Variants in CNTNAP2 observed in about 807,000 individuals in gnomAD.
CNTNAP2 encodes contactin associated protein 2.
In CNTNAP2, 98 loss-of-function variants were observed where a neutral mutation model predicts 155.2. The ratio of observed to expected loss-of-function variants is 0.63; its 90% confidence interval spans 0.54 to 0.75. The LOEUF (loss-of-function observed/expected upper bound fraction) is 0.75. CNTNAP2 is among the 30% of genes least tolerant of loss of function. The pLI is 0.00. For synonymous variants in CNTNAP2, 651 were observed against 631.2 expected (o/e 1.03, Z -0.47); for missense variants, 1,727 against 1,688.1 (o/e 1.02, Z -0.40).
chr7:146,792,278 A>AAC (rs1802688838), intron 2 of CNTNAP2, among the ~76,000 whole-genome samples: 1 of 152,120 alleles, frequency 6.6e-6, no homozygotes, highest in African/African-American at 2.4e-5. Flanking sequence ...TAAAAAAAAA[A>AAC]CACTCTGCTA....
intron 1 of CNTNAP2, among the ~76,000 whole-genome samples, chr7:146,473,391 T>G (rs1796828249): frequency 6.6e-6 from 1 of 152,158 alleles, no homozygotes; most frequent in African/African-American, 2.4e-5. Flanking sequence ...TTCTTGCCTC[T>G]TTTCCCTTCT....
chr7:147,744,910 G>A (rs80251084), intron 13 of CNTNAP2, among the ~76,000 whole-genome samples: 31,562 of 152,040 alleles, frequency 0.21, 3,467 homozygotes, highest in Middle Eastern at 0.39. Context: ...GGGCTTTAAC[G>A]TGTGAATTTT....
chr7:147,469,755 T>A (rs900260573), intron 10 of CNTNAP2, among the ~76,000 whole-genome samples: 41 of 152,072 alleles, frequency 2.7e-4, no homozygotes, highest in African/African-American at 9.2e-4. Context: ...CCTGACCTCG[T>A]GATCCGCCCT....
intron 13 of CNTNAP2, among the ~76,000 whole-genome samples, chr7:147,826,710 C>T (rs751121597): frequency 2.3e-4 from 35 of 151,934 alleles, no homozygotes; most frequent in Non-Finnish European, 3.5e-4. Context: ...AGATAGAGAA[C>T]GCTGGGATAA....
chr7:148,368,171 A>C (rs536130463), intron 21 of CNTNAP2, among the ~76,000 whole-genome samples: 13 of 152,274 alleles, frequency 8.5e-5, no homozygotes, highest in African/African-American at 2.9e-4. Context: ...CTTGTCTCTT[A>C]TCCTTTGAAT....
chr7:146,866,637 T>C (rs1440394732), intron 3 of CNTNAP2, among the ~76,000 whole-genome samples: 7 of 152,148 alleles, frequency 4.6e-5, no homozygotes, highest in African/African-American at 1.7e-4. Flanking sequence ...AAGTGGGAGC[T>C]GAAATCCTTT....
intron 3 of CNTNAP2, among the ~76,000 whole-genome samples, chr7:147,041,669 G>A (rs936355185): frequency 1.3e-5 from 2 of 152,106 alleles, no homozygotes; most frequent in African/African-American, 4.8e-5. Flanking sequence ...GCTGCCTTTT[G>A]CAATATCTTT....
intron 1 of CNTNAP2, among the ~76,000 whole-genome samples, chr7:146,624,612 C>T (rs1799388577): frequency 6.6e-6 from 1 of 151,884 alleles, no homozygotes; most frequent in Admixed American, 6.6e-5. Context: ...TCTGCCAATC[C>T]CTCATAGTTT....
intron 2 of CNTNAP2, among the ~76,000 whole-genome samples, chr7:146,817,392 A>C (rs1803193116): frequency 6.6e-6 from 1 of 151,990 alleles, no homozygotes; most frequent in South Asian, 2.1e-4. Flanking sequence ...GAATTGCTTG[A>C]ACCCGGGAGG....
At position 146,730,631 on chromosome 7, in the gene CNTNAP2, G is replaced by A. The variant is rs184909181; in HGVS notation, c.98-43640G>A. ...TATGCCCCATCCTTTCCTCCTGACCGCAACATATATATACAAGGACTGTGG... is the reference window on the plus strand; with the variant it reads ...TATGCCCCATCCTTTCCTCCTGACCACAACATATATATACAAGGACTGTGG... On this transcript the variant is annotated intron_variant, in intron 1 of 23. Coordinates refer to ENST00000361727, the MANE Select transcript of CNTNAP2 (RefSeq NM_014141.6). Among the ~76,000 whole-genome samples, 399 of 151,928 alleles carry A rather than the reference G, an allele frequency of 2.6e-3. 2 individuals carry two copies. The highest frequency in any genetic ancestry group is 6.7e-3 in the African/African-American group (278 of 41,436).
At chr7:146,853,537 A>G (rs935273550) in intron 3 of CNTNAP2, among the ~76,000 whole-genome samples, 7 of 152,180 alleles carry the variant, frequency 4.6e-5, no homozygotes, top group Non-Finnish European at 1.0e-4. Flanking sequence ...TTTTACTAAA[A>G]TCAAATATCA....
intron 13 of CNTNAP2, among the ~76,000 whole-genome samples, chr7:147,670,018 C>T (rs1795761613): frequency 1.3e-5 from 2 of 152,120 alleles, no homozygotes; most frequent in Non-Finnish European, 2.9e-5. Context: ...CTAGAGATGG[C>T]ATTACTGGTC....
intron 1 of CNTNAP2, among the ~76,000 whole-genome samples, chr7:146,511,389 A>T (rs527895410): frequency 2.4e-4 from 36 of 152,220 alleles, no homozygotes; most frequent in African/African-American, 8.4e-4. Flanking sequence ...AAGGGTTTCA[A>T]TTTTTCTCCA....
At chr7:147,395,843 G>A (rs1796803941) in intron 10 of CNTNAP2, 63 bp downstream of exon 10, 1 of 1,582,676 alleles carries the variant, frequency 6.3e-7, no homozygotes, top group African/African-American at 1.3e-5. Flanking sequence ...TTTCTGTTGT[G>A]AGACCAGTGA....
chr7:147,429,879 G>T (rs995601848), intron 10 of CNTNAP2, among the ~76,000 whole-genome samples: 35 of 151,984 alleles, frequency 2.3e-4, no homozygotes, highest in African/African-American at 8.2e-4. Flanking sequence ...TAAATATTTG[G>T]CTTTTTTTCT....
chr7:148,326,264 T>A (rs1797884792), intron 21 of CNTNAP2, among the ~76,000 whole-genome samples: 1 of 152,134 alleles, frequency 6.6e-6, no homozygotes, highest in Admixed American at 6.5e-5. Flanking sequence ...CTCAGGACCA[T>A]CTTTGGGGAT....
At chr7:146,594,974 A>G (rs1291538615) in intron 1 of CNTNAP2, among the ~76,000 whole-genome samples, 1 of 152,096 alleles carries the variant, frequency 6.6e-6, no homozygotes, top group Non-Finnish European at 1.5e-5. Context: ...TACCATCCAT[A>G]TATGATAGCT....
intron 1 of CNTNAP2, among the ~76,000 whole-genome samples, chr7:146,669,246 T>C (rs1401975849): frequency 6.6e-6 from 1 of 152,162 alleles, no homozygotes. Context: ...TAGAAGCAGT[T>C]TGAAGAACAG....
At chr7:147,197,800 T>C (rs1396522983) in intron 8 of CNTNAP2, among the ~76,000 whole-genome samples, 1 of 152,244 alleles carries the variant, frequency 6.6e-6, no homozygotes, top group African/African-American at 2.4e-5. Context: ...CTAAGATATC[T>C]TTATGAAAAT....
Sources: allele counts gnomAD v4.1 joint callset (sites outside exome capture counted in the v4.1 genomes callset), GRCh38; gene constraint gnomAD v4.1.1; transcripts MANE v1.5; gene names NCBI Gene and HGNC (gene_info 2026-07-23, HGNC 2026-07-21).